Variants in COL25A1 observed in about 807,000 individuals in gnomAD.
COL25A1 encodes collagen alpha-1(XXV) chain.
Under a neutral mutation model 128.4 loss-of-function variants are expected in COL25A1, and 103 were observed. That is an observed-to-expected ratio of 0.80 (90% CI 0.68 to 0.94). The LOEUF (loss-of-function observed/expected upper bound fraction) is 0.94. Ranked by LOEUF, COL25A1 falls within the 40% of genes least tolerant of loss-of-function variation. The pLI is 0.00. For missense variants in COL25A1, 745 were observed against 840.0 expected (o/e 0.89, Z 1.40); for synonymous variants, 279 against 277.2 (o/e 1.01, Z -0.06).
intron 3 of COL25A1, among the ~76,000 whole-genome samples, chr4:109,226,661 T>C (rs192391045): frequency 6.6e-6 from 1 of 151,912 alleles, no homozygotes; most frequent in Middle Eastern, 3.4e-3. Context: ...AAAATCATAA[T>C]CCTAAAAGAT....
At chr4:108,975,746 T>C (rs1166716787) in intron 6 of COL25A1, among the ~76,000 whole-genome samples, 1 of 152,210 alleles carries the variant, frequency 6.6e-6, no homozygotes, top group Non-Finnish European at 1.5e-5. Context: ...AGTATGTATT[T>C]ACCCAGTGAT....
chr4:109,216,270 AAAGGAAGGAAGG>A lies in COL25A1; in HGVS notation c.367+84301_367+84312del, dbSNP rs150574564. Among the ~76,000 whole-genome samples the A allele has an allele frequency of 2.4e-4, 35 of 148,222 alleles. 1 individual carries two copies. The highest frequency in any genetic ancestry group is 3.9e-4 in the Non-Finnish European group (26 of 67,458). On this transcript the variant is annotated intron_variant, in intron 3 of 37. Transcript: ENST00000399132. ...ATGGATAGGAAGGAAGGAAGGAAAA[AAAGGAAGGAAGG>A]AAGGAAGGAAGGAAGGACGGAAGGA... is the stretch of plus-strand genomic sequence containing the variant.
chr4:109,001,372 C>CAGGCGTCTGAGATCCTGTCAGGT, intron 6 of COL25A1, among the ~76,000 whole-genome samples: 1 of 24,230 alleles, frequency 4.1e-5, no homozygotes, highest in East Asian at 1.6e-3. Context: ...TTAAAAGAAA[C>CAGGCGTCTGAGATCCTGTCAGGT]AGGCATCTGA....
Position 108,937,868 on chromosome 4 carries a change from T to C in COL25A1, c.673-25A>G, listed in dbSNP as rs779317040. 28 of 1,589,616 alleles carry C rather than the reference T, an allele frequency of 1.8e-5. No individual in the cohort carries two copies. In the South Asian group the frequency reaches 2.9e-4, roughly 16 times the overall value. ...CCTTAAAAAAGAATAGTGATAATTT[T>C]AGTAACGCTGTAAGTATTTAAAAAA... On this transcript the variant is annotated intron_variant, in intron 10 of 37. Coordinates refer to ENST00000399132, the MANE Select transcript of COL25A1 (RefSeq NM_198721.4).
At chr4:109,095,127 A>G (rs1765278082) in intron 3 of COL25A1, among the ~76,000 whole-genome samples, 1 of 152,260 alleles carries the variant, frequency 6.6e-6, no homozygotes, top group African/African-American at 2.4e-5. Context: ...CACATGTAAC[A>G]AAATGAGTTA....
At position 108,812,045 on chromosome 4, in the gene COL25A1, T is replaced by C. The variant is rs918660322; in HGVS notation, c.*1882A>G. The C allele has an allele frequency of 3.9e-5, 6 of 152,306 alleles. No homozygotes were observed. The South Asian group carries it at 1.2e-3, about 32-fold the overall frequency. The allele number at this position is 152,306 out of a possible 1,614,324, so 9.4% of individuals were successfully genotyped here. A position where few individuals can be genotyped will look rare whatever the true frequency, so the allele number is the denominator to read the frequency against. Reference sequence around the variant, plus strand: ...TCAGGAGAGAAATTAAATTCTCTAATGGGCTGAAAGGGTGCCTACTCCTCA... The same window carrying C: ...TCAGGAGAGAAATTAAATTCTCTAACGGGCTGAAAGGGTGCCTACTCCTCA... On this transcript the variant is annotated 3_prime_UTR_variant, in exon 38 of 38. Coordinates refer to ENST00000399132, the MANE Select transcript of COL25A1 (RefSeq NM_198721.4).
chr4:109,027,383 C>T (rs781097478), intron 5 of COL25A1, among the ~76,000 whole-genome samples: 3 of 151,962 alleles, frequency 2.0e-5, no homozygotes, highest in Non-Finnish European at 2.9e-5. Context: ...TGCGTCTGGA[C>T]TACAGTGAGT....
chr4:109,153,827 C>T (rs1397087226), intron 3 of COL25A1, among the ~76,000 whole-genome samples: 1 of 152,144 alleles, frequency 6.6e-6, no homozygotes, highest in Non-Finnish European at 1.5e-5. Flanking sequence ...ACCACATATA[C>T]TTTAGTTCAA....
chr4:109,183,032 C>T (rs1012178955), intron 3 of COL25A1, among the ~76,000 whole-genome samples: 1 of 152,068 alleles, frequency 6.6e-6, no homozygotes, highest in African/African-American at 2.4e-5. Flanking sequence ...ACCGAGGCAT[C>T]AGAAATATTT....
chr4:108,937,687 T>A, intron 11 of COL25A1, 121 bp downstream of exon 11: 1 of 748,406 alleles, frequency 1.3e-6, no homozygotes, highest in Non-Finnish European at 2.1e-6. Context: ...TTTTAACTTT[T>A]ACTAATTTTC....
intron 3 of COL25A1, among the ~76,000 whole-genome samples, chr4:109,156,520 T>C (rs371476388): frequency 7.9e-5 from 12 of 152,236 alleles, no homozygotes; most frequent in African/African-American, 2.4e-4. Flanking sequence ...GCTTCCCGTC[T>C]CAATTTGCCA....
At chr4:108,861,452 AG>A (rs1737214206) in intron 22 of COL25A1, among the ~76,000 whole-genome samples, 1 of 152,194 alleles carries the variant, frequency 6.6e-6, no homozygotes, top group Non-Finnish European at 1.5e-5. Context: ...GTCACAGGCT[AG>A]GCCTCCCTCT....
chr4:109,178,272 A>C (rs947547294), intron 3 of COL25A1, among the ~76,000 whole-genome samples: 1 of 152,216 alleles, frequency 6.6e-6, no homozygotes, highest in East Asian at 1.9e-4. Context: ...AACATTTTCA[A>C]CTACGTTGGG....
chr4:109,195,213 C>G (rs1035777843), intron 3 of COL25A1, among the ~76,000 whole-genome samples: 2 of 152,138 alleles, frequency 1.3e-5, no homozygotes, highest in African/African-American at 4.8e-5. Flanking sequence ...GCCCACTGGT[C>G]CCAGGAGGAT....
chr4:109,277,677 G>A (rs1006201969), intron 3 of COL25A1, among the ~76,000 whole-genome samples: 1 of 152,020 alleles, frequency 6.6e-6, no homozygotes, highest in African/African-American at 2.4e-5. Context: ...TAAATACCCT[G>A]GGAATCTTCC....
At chr4:108,894,981 A>T (rs1422217674) in intron 16 of COL25A1, among the ~76,000 whole-genome samples, 1 of 152,216 alleles carries the variant, frequency 6.6e-6, no homozygotes, top group African/African-American at 2.4e-5. Flanking sequence ...TGCCATAGGC[A>T]TCTTGTGAGT....
chr4:108,959,001 T>C lies in COL25A1; in HGVS notation c.492+15366A>G, dbSNP rs535289200. On this transcript the variant is annotated intron_variant, in intron 8 of 37. Transcript: ENST00000399132. ...TTCTAGAAAGTAAATGATTCATAAT[T>C]GTTTTGTGATCTATGTGTTTGTATA... Among the ~76,000 whole-genome samples, 22 of 152,218 alleles carry C rather than the reference T, an allele frequency of 1.4e-4. No homozygotes were observed. The East Asian group carries it at 4.2e-3, about 29-fold the overall frequency.
intron 32 of COL25A1, among the ~76,000 whole-genome samples, chr4:108,830,777 C>G (rs552705381): frequency 6.6e-6 from 1 of 152,266 alleles, no homozygotes; most frequent in East Asian, 1.9e-4. Flanking sequence ...ACGGTAAACC[C>G]TCTTGAGCCC....
chr4:108,987,955 C>T lies in COL25A1; in HGVS notation c.439-13396G>A, dbSNP rs988917569. Reference sequence around the variant, plus strand: ...AAACACTTGTGTCACTTTTATGAAACTTAGCTCACCCTGCTGGGAATAAGA... The same window carrying T: ...AAACACTTGTGTCACTTTTATGAAATTTAGCTCACCCTGCTGGGAATAAGA... On this transcript the variant is annotated intron_variant, in intron 6 of 37. Transcript: ENST00000399132. Among the ~76,000 whole-genome samples, 7 of 152,234 alleles carry T rather than the reference C, an allele frequency of 4.6e-5. No individual in the cohort carries two copies. In the East Asian group the frequency reaches 1.4e-3, roughly 29 times the overall value.
Sources: allele counts gnomAD v4.1 joint callset (sites outside exome capture counted in the v4.1 genomes callset), GRCh38; gene constraint gnomAD v4.1.1; transcripts MANE v1.5; gene names NCBI Gene and HGNC (gene_info 2026-07-23, HGNC 2026-07-21).